The following TUSC3 variants were observed in gnomAD, a reference collection of about 807,000 sequenced individuals.
TUSC3 encodes dolichyl-diphosphooligosaccharide--protein glycosyltransferase subunit TUSC3.
Under a neutral mutation model 44.8 loss-of-function variants are expected in TUSC3, and 45 were observed. The observed-to-expected ratio is 1.00, with a 90% CI of 0.79 to 1.29. The LOEUF (loss-of-function observed/expected upper bound fraction) is 1.29. Ranked by LOEUF, TUSC3 falls within the 50% of genes most tolerant of loss-of-function variation. The pLI is 0.00. For missense variants in TUSC3, 519 were observed against 437.9 expected, an observed-to-expected ratio of 1.19 and a Z score of -1.65; for synonymous variants, 212 against 152.9, an observed-to-expected ratio of 1.39 and a Z score of -2.85.
At chr8:15,483,784 T>C (rs950372671) in intron 2 of TUSC3, among the ~76,000 whole-genome samples, 2 of 150,442 alleles carry the variant, frequency 1.3e-5, no homozygotes, top group African/African-American at 4.9e-5. Context: ...GCCTCCCGAG[T>C]AGCTGGGACT....
intron 2 of TUSC3, among the ~76,000 whole-genome samples, chr8:15,531,082 G>T (rs1488008433): frequency 6.6e-6 from 1 of 152,106 alleles, no homozygotes; most frequent in Non-Finnish European, 1.5e-5. Context: ...CTAGTAGGCC[G>T]CTGTGCATGC....
upstream of TUSC3, among the ~76,000 whole-genome samples, chr8:15,536,541 G>A (rs1218630384): frequency 2.0e-5 from 3 of 151,714 alleles, no homozygotes; most frequent in East Asian, 5.8e-4. Context: ...AATTAGCCGG[G>A]CGTGGTGGCG....
intron 2 of TUSC3, among the ~76,000 whole-genome samples, chr8:15,507,063 T>A (rs1801061365): frequency 1.3e-5 from 2 of 152,338 alleles, no homozygotes; most frequent in South Asian, 4.1e-4. Flanking sequence ...CATGTATACA[T>A]ATGAAATAAC....
At chr8:15,662,061 A>T in intron 4 of TUSC3, 95 bp from the exon 5 acceptor site, 1 of 1,394,982 alleles carries the variant, frequency 7.2e-7, no homozygotes, top group Non-Finnish European at 1.0e-6. Flanking sequence ...CATGTTTCTG[A>T]GTTCTTTGCG....
At position 15,623,216 on chromosome 8, in the gene TUSC3, C is replaced by A; in HGVS notation, c.275C>A (p.Ala92Asp). 1 of 1,610,970 alleles carries A rather than the reference C, an allele frequency of 6.2e-7. No individual in the cohort carries two copies. The highest frequency in any genetic ancestry group is 1.3e-5 in the African/African-American group (1 of 74,984). ...RNYSMIVMFT[A>D]LQPQRQCSVC... The stretch of plus-strand genomic sequence containing the variant: ...TATTCCATGATTGTTATGTTCACTG[C>A]TCTTCAGCCTCAGCGGCAGTGTTCT... Residue 92 changes from alanine (A) to aspartate (D), a missense_variant, in exon 2 of 11, where the codon GCT becomes GAT. Transcript: ENST00000503731.
intron 9 of TUSC3, among the ~76,000 whole-genome samples, chr8:15,754,700 T>G (rs576029713): frequency 1.3e-5 from 2 of 152,306 alleles, no homozygotes; most frequent in South Asian, 4.1e-4. Context: ...TTTGCATTTT[T>G]GTGAATTATA....
intron 1 of TUSC3, among the ~76,000 whole-genome samples, chr8:15,473,448 G>A (rs540185104): frequency 1.6e-4 from 25 of 152,280 alleles, no homozygotes; most frequent in Non-Finnish European, 3.1e-4. Flanking sequence ...TCAACTTGAA[G>A]TCTTGTTCCA....
intron 2 of TUSC3, among the ~76,000 whole-genome samples, chr8:15,642,656 G>A (rs998706871): frequency 1.3e-5 from 2 of 152,014 alleles, no homozygotes; most frequent in African/African-American, 4.8e-5. Flanking sequence ...GTGAGTTAAC[G>A]CTTTCCTCAT....
chr8:15,426,608 G>T (rs1474931039), intron 1 of TUSC3, among the ~76,000 whole-genome samples: 1 of 152,118 alleles, frequency 6.6e-6, no homozygotes, highest in African/African-American at 2.4e-5. Context: ...AATAAATACT[G>T]CATTATATGT....
intron 1 of TUSC3, among the ~76,000 whole-genome samples, chr8:15,620,894 G>A (rs1805213719): frequency 6.6e-6 from 1 of 152,112 alleles, no homozygotes; most frequent in Non-Finnish European, 1.5e-5. Flanking sequence ...TGTTTTCATA[G>A]ATACATATTT....
intron 6 of TUSC3, among the ~76,000 whole-genome samples, chr8:15,724,363 G>C (rs1810418786): frequency 6.6e-6 from 1 of 152,138 alleles, no homozygotes; most frequent in Non-Finnish European, 1.5e-5. Flanking sequence ...GCACAGAAAA[G>C]CAGATCTGTC....
chr8:15,457,302 A>G lies in TUSC3; in HGVS notation n.92-26084A>G, dbSNP rs187613916. On this transcript the variant is annotated intron_variant and non_coding_transcript_variant, in intron 1 of 5. Coordinates refer to the TUSC3 transcript ENST00000503191. The stretch of plus-strand genomic sequence containing the variant: ...TGAACGTTGTGCACAAGTACCCTAG[A>G]ACTTAAAGTATAATAAAAATATATA... Among the ~76,000 whole-genome samples the G allele has an allele frequency of 2.9e-3, 437 of 152,108 alleles. 5 individuals carry two copies. The highest frequency in any genetic ancestry group is 0.01 in the African/African-American group (420 of 41,506).
chr8:15,715,670 G>GACT, intron 6 of TUSC3, among the ~76,000 whole-genome samples: 1 of 151,486 alleles, frequency 6.6e-6, no homozygotes, highest in Middle Eastern at 3.4e-3. Context: ...GATAAGGGGG[G>GACT]ACTACTATGC....
intron 1 of TUSC3, among the ~76,000 whole-genome samples, chr8:15,458,173 T>C (rs1283489759): frequency 6.6e-6 from 1 of 152,170 alleles, no homozygotes; most frequent in Non-Finnish European, 1.5e-5. Flanking sequence ...GTTAAAGTCA[T>C]ATAAGAAAAT....
chr8:15,729,095 C>T (rs1466199790), intron 6 of TUSC3, among the ~76,000 whole-genome samples: 2 of 152,116 alleles, frequency 1.3e-5, no homozygotes, highest in African/African-American at 2.4e-5. Context: ...ACCTAGAAGA[C>T]GTCTGAAGTT....
chr8:15,475,660 G>GT (rs1269306442), intron 1 of TUSC3, among the ~76,000 whole-genome samples: 6 of 152,084 alleles, frequency 3.9e-5, no homozygotes, highest in African/African-American at 1.4e-4. Flanking sequence ...TACAGTAGCT[G>GT]TTTTTTACAT....
At chr8:15,500,615 A>G (rs568456409) in intron 2 of TUSC3, among the ~76,000 whole-genome samples, 2 of 152,330 alleles carry the variant, frequency 1.3e-5, no homozygotes, top group African/African-American at 4.8e-5. Flanking sequence ...CACCAGTTGA[A>G]CCTGGTAGAT....
chr8:15,516,893 C>T (rs935587456), intron 2 of TUSC3, among the ~76,000 whole-genome samples: 4 of 151,850 alleles, frequency 2.6e-5, no homozygotes, highest in Non-Finnish European at 4.4e-5. Flanking sequence ...ATATTATTTC[C>T]GTGTAATTTT....
rs71211076 is a variant in TUSC3 at position 15,700,849 on chromosome 8, C to CTTTTTTTTTTTTTTTTTTTTTTTTTT, written c.798+27031_798+27032insTTTTTTTTTTTTTTTTTTTTTTTTTT. 6.5e-4 allele frequency among the ~76,000 whole-genome samples: 59 copies of CTTTTTTTTTTTTTTTTTTTTTTTTTT among 90,536 alleles called. 5 individuals carry two copies. The highest frequency in any genetic ancestry group is 1.6e-3 in the East Asian group (4 of 2,556). 59.4% of individuals were successfully genotyped at this position (90,536 alleles called of 152,430 possible). ...CTTTCACTAGAGGGAATGGCTGGAG[C>CTTTTTTTTTTTTTTTTTTTTTTTTTT]TTTTTTTTTTTTTTTTTTGCTTTGC... On this transcript the variant is annotated intron_variant, in intron 6 of 10. Transcript: ENST00000503731.
Sources: allele counts gnomAD v4.1 joint callset (sites outside exome capture counted in the v4.1 genomes callset), GRCh38; gene constraint gnomAD v4.1.1; transcripts MANE v1.5; gene names NCBI Gene and HGNC (gene_info 2026-07-23, HGNC 2026-07-21).